ATP8A2: variants seen among roughly 807,000 people sequenced by gnomAD.
The protein encoded by ATP8A2 is phospholipid-transporting ATPase IB.
Under a neutral mutation model 165.6 loss-of-function variants are expected in ATP8A2, and 100 were observed. That is an observed-to-expected ratio of 0.60 (90% CI 0.51 to 0.71). The LOEUF (loss-of-function observed/expected upper bound fraction) is 0.71, where lower values mean the gene tolerates loss of function less well. Among genes scored for constraint, ATP8A2 ranks in the 30% least tolerant of loss-of-function variants. ATP8A2 has a pLI of 0.00. For synonymous variants in ATP8A2, 543 were observed against 548.8 expected (o/e 0.99, Z 0.15); for missense variants, 1,227 against 1,479.5 (o/e 0.83, Z 2.80).
At chr13:25,579,785 A>G (rs774598001) in intron 21 of ATP8A2, 23 bp from the exon 22 acceptor site, 9 of 1,610,816 alleles carry the variant, frequency 5.6e-6, no homozygotes, top group South Asian at 3.3e-5. Context: ...GCCTGCCTCC[A>G]TTCACCAGTG....
At chr13:25,615,059 A>G (rs1283504156) in intron 24 of ATP8A2, among the ~76,000 whole-genome samples, 1 of 152,158 alleles carries the variant, frequency 6.6e-6, no homozygotes, top group East Asian at 1.9e-4. Flanking sequence ...CTGGATAAGT[A>G]TGGGGGTTTC....
intron 23 of ATP8A2, among the ~76,000 whole-genome samples, chr13:25,585,191 G>C (rs867067434): frequency 1.4e-4 from 22 of 152,290 alleles, no homozygotes; most frequent in Non-Finnish European, 1.5e-4. Flanking sequence ...CTGCAACACT[G>C]TGCTTGAATT....
At chr13:25,480,982 C>A (rs558121860) in intron 2 of ATP8A2, among the ~76,000 whole-genome samples, 2 of 152,152 alleles carry the variant, frequency 1.3e-5, no homozygotes, top group African/African-American at 4.8e-5. Flanking sequence ...AGCGAAACCC[C>A]GTCTCCACCA....
intron 1 of ATP8A2, among the ~76,000 whole-genome samples, chr13:25,428,723 C>T (rs2034521574): frequency 6.6e-6 from 1 of 152,172 alleles, no homozygotes; most frequent in African/African-American, 2.4e-5. Context: ...GTCAGCCTTA[C>T]ATGTTGCTCA....
chr13:25,851,139 T>G (rs1951996806), intron 30 of ATP8A2, among the ~76,000 whole-genome samples: 1 of 152,210 alleles, frequency 6.6e-6, no homozygotes, highest in Non-Finnish European at 1.5e-5. Flanking sequence ...GACTGAAAAC[T>G]AAAATGCAAT....
intron 30 of ATP8A2, among the ~76,000 whole-genome samples, chr13:25,858,766 G>A (rs1023802112): frequency 2.0e-5 from 3 of 152,084 alleles, no homozygotes; most frequent in Non-Finnish European, 2.9e-5. Context: ...GACCAGAACT[G>A]AGTATAAAAA....
chr13:25,860,450 A>C (rs1205467858), intron 31 of ATP8A2, among the ~76,000 whole-genome samples, 194 bp downstream of exon 31: 2 of 152,212 alleles, frequency 1.3e-5, no homozygotes, highest in East Asian at 3.8e-4. Context: ...ATGCCAAGTG[A>C]AGGTTTCTGG....
At chr13:25,383,716 T>G (rs549593451) in intron 1 of ATP8A2, among the ~76,000 whole-genome samples, 1 of 152,210 alleles carries the variant, frequency 6.6e-6, no homozygotes, top group Non-Finnish European at 1.5e-5. Context: ...ATTATGAATA[T>G]AGTATTTACT....
intron 1 of ATP8A2, among the ~76,000 whole-genome samples, chr13:25,438,661 G>C (rs1228853025): frequency 6.6e-6 from 1 of 151,956 alleles, no homozygotes; most frequent in East Asian, 1.9e-4. Flanking sequence ...GAAAAAAAAA[G>C]AGAGAGATAA....
At chr13:26,019,751 C>A (rs1957055229) in intron 36 of ATP8A2, 137 bp from the exon 37 acceptor site, 1 of 619,592 alleles carries the variant, frequency 1.6e-6, no homozygotes, top group Non-Finnish European at 2.9e-6. Flanking sequence ...TCATCTCAAG[C>A]CTCCACCTAT....
chr13:25,699,420 G>A, intron 25 of ATP8A2, 75 bp downstream of exon 25: 2 of 1,148,400 alleles, frequency 1.7e-6, no homozygotes, highest in Non-Finnish European at 2.3e-6. Flanking sequence ...AGAAAGGGAT[G>A]CATGGGAATT....
chr13:25,526,180 C>A (rs1317322027), intron 2 of ATP8A2, among the ~76,000 whole-genome samples: 2 of 152,034 alleles, frequency 1.3e-5, no homozygotes. Context: ...TGAAATTTCT[C>A]TGATACATTT....
chr13:25,868,783 C>T (rs1417000578), intron 33 of ATP8A2, among the ~76,000 whole-genome samples: 1 of 152,010 alleles, frequency 6.6e-6, no homozygotes, highest in Non-Finnish European at 1.5e-5. Context: ...GAGGCAATCC[C>T]TAGAACCAAA....
chr13:25,941,965 G>A (rs1248258941), intron 33 of ATP8A2, among the ~76,000 whole-genome samples: 1 of 152,132 alleles, frequency 6.6e-6, no homozygotes, highest in Non-Finnish European at 1.5e-5. Flanking sequence ...ACTGTTGACT[G>A]TTTTCATGCA....
At chr13:25,799,855 A>G (rs1950585176) in intron 27 of ATP8A2, among the ~76,000 whole-genome samples, 3 of 152,226 alleles carry the variant, frequency 2.0e-5, no homozygotes. Context: ...GCAAAATAGT[A>G]ACTCTACTTC....
intron 25 of ATP8A2, among the ~76,000 whole-genome samples, chr13:25,728,008 C>T (rs777218571): frequency 2.0e-5 from 3 of 152,170 alleles, no homozygotes; most frequent in African/African-American, 4.8e-5. Context: ...CTTCTCAGAT[C>T]CCAAGCTCAA....
At chr13:25,411,678 T>G (rs2033969354) in intron 1 of ATP8A2, among the ~76,000 whole-genome samples, 1 of 152,192 alleles carries the variant, frequency 6.6e-6, no homozygotes. Flanking sequence ...TGTTAAAAAG[T>G]GCATGTTTAT....
rs534152656 is a variant in ATP8A2, at chr13:25,540,568, G to A, written c.651+180G>A. On this transcript the variant is annotated intron_variant, in intron 8 of 36. Transcript: ENST00000381655. ...AGAGAGAATGTGTCTCGAAAAAGTA[G>A]GCTGCATCAAACTCTAGGTCATGCA... is the stretch of plus-strand genomic sequence containing the variant. 2.0e-5 allele frequency among the ~76,000 whole-genome samples: 3 copies of A among 152,296 alleles called. No homozygotes were observed. In the East Asian group the frequency reaches 5.8e-4, roughly 29 times the overall value.
intron 20 of ATP8A2, among the ~76,000 whole-genome samples, chr13:25,577,586 G>A (rs1331587182): frequency 6.6e-6 from 1 of 152,042 alleles, no homozygotes; most frequent in East Asian, 1.9e-4. Flanking sequence ...TAGGTACAAA[G>A]GCAATGTCCA....
Sources: gnomAD v4.1 joint callset for allele counts (sites outside exome capture counted in the v4.1 genomes callset) on GRCh38, gnomAD v4.1.1 for gene constraint, MANE v1.5 for transcripts, NCBI Gene and HGNC (gene_info 2026-07-23, HGNC 2026-07-21) for gene names.